PHF21A: variants seen among roughly 807,000 people sequenced by gnomAD.
PHF21A encodes the protein BHC80a.
A neutral mutation model predicts 82.5 loss-of-function variants in PHF21A; 11 were observed. That is an observed-to-expected ratio of 0.13 (90% CI 0.08 to 0.22). The LOEUF is 0.22. Ranked by LOEUF, PHF21A falls within the 10% of genes least tolerant of loss-of-function variation. The pLI is 1.00. For missense variants in PHF21A, 579 were observed against 837.8 expected (o/e 0.69, Z 3.81); for synonymous variants, 297 against 302.8 (o/e 0.98, Z 0.20).
At chr11:46,044,200 TA>T (rs1352233216) in intron 6 of PHF21A, among the ~76,000 whole-genome samples, 2 of 151,850 alleles carry the variant, frequency 1.3e-5, no homozygotes, top group Non-Finnish European at 2.9e-5. Context: ...AACTGGAAAA[TA>T]AATCAAACTA....
chr11:45,984,301 G>A (rs2094418896), intron 6 of PHF21A, among the ~76,000 whole-genome samples: 1 of 152,174 alleles, frequency 6.6e-6, no homozygotes, highest in Non-Finnish European at 1.5e-5. Context: ...AGAACTGCTA[G>A]TACCGCCCAC....
chr11:45,967,886 G>A (rs1440394402), intron 9 of PHF21A, among the ~76,000 whole-genome samples: 1 of 152,144 alleles, frequency 6.6e-6, no homozygotes, highest in African/African-American at 2.4e-5. Context: ...CTGAAATAGA[G>A]AACACAGTAT....
intron 6 of PHF21A, among the ~76,000 whole-genome samples, chr11:45,986,941 G>A (rs2094509370): frequency 1.3e-5 from 2 of 151,662 alleles, no homozygotes; most frequent in Non-Finnish European, 2.9e-5. Flanking sequence ...ATATCAAAGC[G>A]AATGCTACCT....
Position 45,949,497 on chromosome 11 carries a change from G to T in PHF21A, c.1148-16C>A. On this transcript the variant is annotated splice_polypyrimidine_tract_variant and intron_variant, in intron 12 of 18. Coordinates refer to ENST00000676320, the MANE Select transcript of PHF21A (RefSeq NM_001352027.3). Reference sequence around the variant, plus strand: ...CTTTGGATTTCTTGAGAGAAGAAAAGGTTTTCATTAGCAGAGAGGCATGGA... The same window carrying T: ...CTTTGGATTTCTTGAGAGAAGAAAATGTTTTCATTAGCAGAGAGGCATGGA... 3 of 1,609,418 alleles carry T rather than the reference G, an allele frequency of 1.9e-6. No homozygotes were observed. The highest frequency in any genetic ancestry group is 2.6e-6 in the Non-Finnish European group (3 of 1,175,748).
intron 6 of PHF21A, among the ~76,000 whole-genome samples, chr11:46,034,830 G>A (rs1382866268): frequency 4.6e-5 from 7 of 152,160 alleles, no homozygotes; most frequent in Admixed American, 4.6e-4. Context: ...AGCCCTACAA[G>A]GGGATAGTGG....
intron 6 of PHF21A, among the ~76,000 whole-genome samples, chr11:45,980,876 G>A (rs1170501676): frequency 6.6e-6 from 1 of 152,174 alleles, no homozygotes; most frequent in East Asian, 1.9e-4. Context: ...TGCTGGGACA[G>A]GTTCTGTGGC....
intron 9 of PHF21A, among the ~76,000 whole-genome samples, chr11:45,968,213 A>G (rs1321391050): frequency 1.3e-5 from 2 of 152,180 alleles, no homozygotes; most frequent in African/African-American, 4.8e-5. Context: ...ACCATCCCCA[A>G]TTTATTCTCT....
chr11:46,022,131 T>C (rs1036830139), intron 6 of PHF21A, among the ~76,000 whole-genome samples: 1 of 152,160 alleles, frequency 6.6e-6, no homozygotes, highest in Admixed American at 6.5e-5. Context: ...AACAAAACCA[T>C]GTACTGTTTG....
rs1230841508 is a variant in PHF21A, at chr11:45,965,426, T to C, written c.885A>G (p.Ile295Met). The C allele has an allele frequency of 6.2e-6, 10 of 1,613,992 alleles. No individual in the cohort carries two copies. Among genetic ancestry groups the C allele is most frequent in the Non-Finnish European group, 8.5e-6 (10 of 1,180,024 alleles). The change falls in exon 10 of 19, where the codon ATA becomes ATG. Residue 295 changes from isoleucine to methionine, a missense_variant. Ile to Met is a conservative substitution (Grantham distance 10). Coordinates refer to ENST00000676320, the MANE Select transcript of PHF21A (RefSeq NM_001352027.3). ...GCTGGGCCATGGGGAACGTTTTGGC[T>C]ATGGTTGCAGTCTGCCCATTGACGA... is the stretch of plus-strand genomic sequence containing the variant. The part of the protein sequence containing the change: ...VRVVNGQTAT[I>M]AKTFPMAQLT...
rs143745708 is a variant in PHF21A at position 45,958,357 on chromosome 11, G to T, written c.997-4732C>A. On this transcript the variant is annotated intron_variant, in intron 10 of 18. Coordinates refer to ENST00000676320, the MANE Select transcript of PHF21A (RefSeq NM_001352027.3). The stretch of plus-strand genomic sequence containing the variant: ...GCAGGCAGATAGCTTGAGCTCAGGG[G>T]TTCAAGACCAGCCTGAGCAACATGA... Among the ~76,000 whole-genome samples, 42 of 124,134 alleles carry T rather than the reference G, an allele frequency of 3.4e-4. No homozygotes were observed. The East Asian group carries it at 8.9e-3, about 26-fold the overall frequency. 81.4% of individuals were successfully genotyped at this position (124,134 alleles called of 152,430 possible).
chr11:46,046,759 C>T (rs1194180609), intron 6 of PHF21A, among the ~76,000 whole-genome samples: 2 of 152,078 alleles, frequency 1.3e-5, no homozygotes, highest in Non-Finnish European at 2.9e-5. Context: ...CACTATAAAA[C>T]CCAACAACAT....
chr11:46,093,395 C>T (rs997675574), intron 1 of PHF21A, among the ~76,000 whole-genome samples: 51 of 152,246 alleles, frequency 3.3e-4, no homozygotes, highest in African/African-American at 1.1e-3. Flanking sequence ...TACAGTTATA[C>T]CAAACATACG....
At chr11:45,937,345 A>G (rs1370166637) in intron 16 of PHF21A, among the ~76,000 whole-genome samples, 2 of 152,246 alleles carry the variant, frequency 1.3e-5, no homozygotes, top group Admixed American at 6.5e-5. Flanking sequence ...GAAACCAAAG[A>G]GAGAACGAGG....
intron 6 of PHF21A, among the ~76,000 whole-genome samples, chr11:46,065,023 A>G (rs1384954091): frequency 6.6e-6 from 1 of 152,236 alleles, no homozygotes; most frequent in African/African-American, 2.4e-5. Context: ...ATACCTTTAG[A>G]TATACATTAT....
chr11:45,945,925 G>A lies in PHF21A; in HGVS notation c.1367C>T (p.Ser456Phe). 6.2e-7 allele frequency: 1 copy of A among 1,613,146 alleles called. No homozygotes were observed. The highest frequency in any genetic ancestry group is 8.5e-7 in the Non-Finnish European group (1 of 1,179,552). ...PTSPQSSHPD[S>F]PENEKTETTF... ...GGTCTCTGTCTTTTCATTTTCAGGG[G>A]AGTCAGGATGACTGGATTGGGGGGA... Residue 456 changes from serine (S) to phenylalanine (F), a missense_variant, in exon 15 of 19, where the codon TCC (serine) becomes TTC (phenylalanine). Physicochemically the swap from Ser to Phe is radical, Grantham distance 155. Coordinates refer to ENST00000676320, the MANE Select transcript of PHF21A (RefSeq NM_001352027.3).
At chr11:45,951,287 A>G (rs1483188382) in intron 11 of PHF21A, among the ~76,000 whole-genome samples, 5 of 152,236 alleles carry the variant, frequency 3.3e-5, no homozygotes, top group South Asian at 4.1e-4. Context: ...TTGATCTTTA[A>G]AAGTCCTGAC....
chr11:46,077,989 G>A (rs953662111), intron 5 of PHF21A, among the ~76,000 whole-genome samples: 26 of 152,242 alleles, frequency 1.7e-4, no homozygotes, highest in Admixed American at 1.4e-3. Context: ...TTGGCTCACT[G>A]CAACCTCTGC....
intron 6 of PHF21A, among the ~76,000 whole-genome samples, chr11:46,028,629 A>G (rs2095801884): frequency 7.2e-6 from 1 of 139,466 alleles, no homozygotes; most frequent in Non-Finnish European, 1.5e-5. Flanking sequence ...GCTGGAGTGC[A>G]GTGGCATGAT....
intron 1 of PHF21A, chr11:46,117,347 G>A (rs1851623703): frequency 6.6e-6 from 1 of 152,198 alleles, no homozygotes; most frequent in African/African-American, 2.4e-5. Context: ...AAAGGACCAT[G>A]TGCTATAAAT....
Sources: allele counts gnomAD v4.1 joint callset (sites outside exome capture counted in the v4.1 genomes callset), GRCh38; gene constraint gnomAD v4.1.1; transcripts MANE v1.5; gene names NCBI Gene and HGNC (gene_info 2026-07-23, HGNC 2026-07-21).